BLK: variants seen among roughly 807,000 people sequenced by gnomAD.
BLK encodes tyrosine-protein kinase Blk.
Under a neutral mutation model 61.8 loss-of-function variants are expected in BLK, and 64 were observed. The observed-to-expected ratio is 1.03, with a 90% CI of 0.85 to 1.27. The LOEUF is 1.27. Ranked by LOEUF, BLK falls within the 50% of genes most tolerant of loss-of-function variation. The pLI is 0.00. For missense variants in BLK, 853 were observed against 660.5 expected (o/e 1.29, Z -3.19); for synonymous variants, 351 against 272.0 (o/e 1.29, Z -2.86).
intron 1 of BLK, among the ~76,000 whole-genome samples, chr8:11,516,406 G>A (rs935184568): frequency 1.3e-5 from 2 of 152,202 alleles, no homozygotes; most frequent in Admixed American, 1.3e-4. Context: ...CCCCCTTGCG[G>A]TGCAAAGAAA....
intron 1 of BLK, among the ~76,000 whole-genome samples, chr8:11,495,248 G>A (rs756323975): frequency 1.3e-5 from 2 of 152,148 alleles, no homozygotes; most frequent in East Asian, 1.9e-4. Flanking sequence ...ATCTGGTAAT[G>A]CGGGTGGATG....
Position 11,522,806 on chromosome 8 carries a change from T to C in BLK, c.-1-20418T>C, listed in dbSNP as rs1014638475. 4.6e-5 allele frequency among the ~76,000 whole-genome samples: 7 copies of C among 152,036 alleles called. No individual in the cohort carries two copies. In the South Asian group the frequency reaches 1.0e-3, roughly 23 times the overall value. On this transcript the variant is annotated intron_variant, in intron 1 of 12. Transcript: ENST00000259089. ...AAGCCATTTTTAAAAGTCTAAAACA[T>C]ACAGAGTAGCAATATATATTGTTTA...
At chr8:11,536,953 C>G (rs1248707199) in intron 1 of BLK, among the ~76,000 whole-genome samples, 6 of 152,172 alleles carry the variant, frequency 3.9e-5, no homozygotes, top group Non-Finnish European at 5.9e-5. Context: ...GGGCTCCATC[C>G]TTGTTTCATG....
chr8:11,501,837 A>C (rs1466385122), intron 1 of BLK, among the ~76,000 whole-genome samples: 1 of 152,250 alleles, frequency 6.6e-6, no homozygotes, highest in Non-Finnish European at 1.5e-5. Flanking sequence ...CTGCAGCCTT[A>C]GTGCCATGAG....
intron 6 of BLK, 95 bp from the exon 7 acceptor site, chr8:11,554,648 A>G: frequency 6.8e-7 from 1 of 1,470,344 alleles, no homozygotes; most frequent in African/African-American, 1.4e-5. Flanking sequence ...AGAATTGGGG[A>G]ACTTTTTTCA....
intron 1 of BLK, among the ~76,000 whole-genome samples, chr8:11,542,009 T>G (rs1346805796): frequency 6.6e-6 from 1 of 152,254 alleles, no homozygotes; most frequent in Non-Finnish European, 1.5e-5. Flanking sequence ...TACTTGTGAA[T>G]TTTTCGCTTC....
chr8:11,538,603 G>A (rs1490426933), intron 1 of BLK, among the ~76,000 whole-genome samples: 1 of 152,226 alleles, frequency 6.6e-6, no homozygotes, highest in Non-Finnish European at 1.5e-5. Flanking sequence ...AGTGGACACA[G>A]GTGTTTGCCA....
intron 10 of BLK, 77 bp downstream of exon 10, chr8:11,558,115 C>T (rs1801321306): frequency 2.8e-6 from 4 of 1,413,832 alleles, no homozygotes; most frequent in Admixed American, 1.7e-5. Context: ...TGCCTTACCA[C>T]CCCATCCTCT....
chr8:11,530,473 G>C (rs898406998), intron 1 of BLK, among the ~76,000 whole-genome samples: 1 of 152,170 alleles, frequency 6.6e-6, no homozygotes, highest in Non-Finnish European at 1.5e-5. Flanking sequence ...CAAAGCCTTG[G>C]TAAAATAAGC....
rs530124110 is a variant in BLK at position 11,519,104 on chromosome 8, A to G, written c.-1-24120A>G. Among the ~76,000 whole-genome samples, 48 of 152,272 alleles carry G rather than the reference A, an allele frequency of 3.2e-4. No individual in the cohort carries two copies. The South Asian group carries it at 4.6e-3, about 14-fold the overall frequency. On this transcript the variant is annotated intron_variant, in intron 1 of 12. Coordinates refer to ENST00000259089, the MANE Select transcript of BLK (RefSeq NM_001715.3). The stretch of plus-strand genomic sequence containing the variant: ...TCCCCTCTGCTCTCCTCCCTGCATC[A>G]ACTAGAATATGGGCTCCACGGAGCA...
intron 1 of BLK, among the ~76,000 whole-genome samples, chr8:11,504,277 C>T (rs992982025): frequency 5.3e-5 from 8 of 150,576 alleles, no homozygotes; most frequent in East Asian, 2.0e-4. Flanking sequence ...GAGCTGAGAT[C>T]GCACCATTGC....
chr8:11,537,145 T>C (rs562466864), intron 1 of BLK, among the ~76,000 whole-genome samples: 7 of 152,302 alleles, frequency 4.6e-5, no homozygotes, highest in Admixed American at 2.6e-4. Flanking sequence ...TTGTCCTGAG[T>C]TGAGACATGA....
intron 1 of BLK, among the ~76,000 whole-genome samples, chr8:11,533,659 G>C (rs910018208): frequency 6.7e-6 from 1 of 149,064 alleles, no homozygotes; most frequent in Non-Finnish European, 1.5e-5. Context: ...GAGACGGAGG[G>C]GGAGAGGGAG....
chr8:11,536,374 CTATTAT>C (rs1301366004), intron 1 of BLK, among the ~76,000 whole-genome samples: 3 of 152,026 alleles, frequency 2.0e-5, no homozygotes, highest in Non-Finnish European at 4.4e-5. Context: ...TAGAAGAGTT[CTATTAT>C]TATTAATATT....
chr8:11,554,903 T>G lies in BLK; in HGVS notation c.619+14T>G, dbSNP rs371828739. 8.7e-5 allele frequency: 140 copies of G among 1,610,810 alleles called. No homozygotes were observed. Among genetic ancestry groups the G allele is most frequent in the Non-Finnish European group, 1.2e-4 (139 of 1,179,824 alleles). On this transcript the variant is annotated intron_variant, in intron 7 of 12. Coordinates refer to ENST00000259089, the MANE Select transcript of BLK (RefSeq NM_001715.3). ...AGCACTATTCTAGTAAGAGGGGGCG[T>G]GCAATGGGGGCAGGGACTTGTGCCA... is the stretch of plus-strand genomic sequence containing the variant.
Position 11,564,171 on chromosome 8 carries a change from T to G in BLK, c.*63T>G, listed in dbSNP as rs2117613904. 6.6e-7 allele frequency: 1 copy of G among 1,515,474 alleles called. No individual in the cohort carries two copies. The highest frequency in any genetic ancestry group is 1.4e-5 in the African/African-American group (1 of 72,666). 93.9% of individuals were successfully genotyped at this position (1,515,474 alleles called of 1,614,324 possible). On this transcript the variant is annotated 3_prime_UTR_variant, in exon 13 of 13. Transcript: ENST00000259089. ...GCGGACGACCCCGACTTCCGTGCCA[T>G]CCCAGACGGGCCGCGAAGGCGGGGT...
rs146624091 is a variant in BLK at position 11,539,974 on chromosome 8, C to T, written c.-1-3250C>T. Among the ~76,000 whole-genome samples the T allele has an allele frequency of 9.7e-3, 1,481 of 152,280 alleles. 12 individuals are homozygous for T. The highest frequency in any genetic ancestry group is 0.044 in the Middle Eastern group (13 of 294). ...ACATTTATCTGATGCTTTGCAATCT[C>T]TTACCCAATCTATTGCTTATCTACG... On this transcript the variant is annotated intron_variant, in intron 1 of 12. Transcript: ENST00000259089.
chr8:11,518,739 T>C (rs779325052), intron 1 of BLK, among the ~76,000 whole-genome samples: 1 of 152,166 alleles, frequency 6.6e-6, no homozygotes, highest in South Asian at 2.1e-4. Flanking sequence ...TGGAAAGAAA[T>C]CCCAACCCTT....
chr8:11,539,465 T>A (rs7004267), intron 1 of BLK, among the ~76,000 whole-genome samples: 17,718 of 152,160 alleles, frequency 0.12, 1,438 homozygotes, highest in East Asian at 0.24. Flanking sequence ...GGGAGGGGAT[T>A]GTTTTTCCAA....
Sources: gnomAD v4.1 joint callset for allele counts (sites outside exome capture counted in the v4.1 genomes callset) on GRCh38, gnomAD v4.1.1 for gene constraint, MANE v1.5 for transcripts, NCBI Gene and HGNC (gene_info 2026-07-23, HGNC 2026-07-21) for gene names.